Variants in CARD6 observed in about 807,000 individuals in gnomAD.
CARD6 encodes caspase recruitment domain-containing protein 6.
A neutral mutation model predicts 23.6 loss-of-function variants in CARD6; 27 were observed. The observed-to-expected ratio is 1.14, with a 90% CI of 0.84 to 1.58. The LOEUF is 1.58. Among genes scored for constraint, CARD6 ranks in the 40% most tolerant of loss-of-function variants. The pLI, the probability that CARD6 is intolerant of heterozygous loss-of-function variation, is 0.00. For missense variants in CARD6, 1,214 were observed against 1,209.9 expected (o/e 1.00, Z -0.05); for synonymous variants, 397 against 431.8 (o/e 0.92, Z 1.00).
intron 2 of CARD6, among the ~76,000 whole-genome samples, chr5:40,846,448 A>G (rs1745969565): frequency 6.6e-6 from 1 of 152,124 alleles, no homozygotes; most frequent in Admixed American, 6.5e-5. Flanking sequence ...TGCCATCTGT[A>G]TCTGTTTCCT....
At chr5:40,847,376 G>A (rs1745983324) in intron 2 of CARD6, among the ~76,000 whole-genome samples, 1 of 152,108 alleles carries the variant, frequency 6.6e-6, no homozygotes. Context: ...TCCCCCTCCA[G>A]CTTGTTGTTG....
At position 40,852,841 on chromosome 5, in the gene CARD6, C is replaced by A. The variant is rs1746097937; in HGVS notation, c.1509C>A (p.Gly503=). The A allele has an allele frequency of 6.2e-7, 1 of 1,614,020 alleles. No homozygotes were observed. Among genetic ancestry groups the A allele is most frequent in the Admixed American group, 1.7e-5 (1 of 59,982 alleles). ...LLVLPRQISD[G]LVEITWCFPD... is the part of the protein sequence containing the mutation. ...TGCTTCCCCGGCAAATCTCTGATGG[C>A]CTGGTTGAGATAACATGGTGTTTTC... Residue 503 remains glycine (G), a synonymous_variant, in exon 3 of 3, where the codon GGC becomes GGA. Transcript: ENST00000254691.
At chr5:40,850,413 C>CCAAAAAAAAAAAAAAAAAAAA (rs1561215132) in intron 2 of CARD6, among the ~76,000 whole-genome samples, 1 of 36,604 alleles carries the variant, frequency 2.7e-5, no homozygotes, top group African/African-American at 1.4e-4. Flanking sequence ...CACTCCATCT[C>CCAAAAAAAAAAAAAAAAAAAA]AAAAAAAAAA....
At chr5:40,851,547 T>C (rs777401543) in intron 2 of CARD6, among the ~76,000 whole-genome samples, 1 of 151,462 alleles carries the variant, frequency 6.6e-6, no homozygotes, top group Non-Finnish European at 1.5e-5. Context: ...TTAGACCGGG[T>C]GTAGGGGCTT....
Position 40,843,479 on chromosome 5 carries a change from A to G in CARD6, c.611A>G (p.Asp204Gly), listed in dbSNP as rs780936613. The change falls in exon 2 of 3, where the codon GAT (aspartate) becomes GGT (glycine). Residue 204 changes from aspartate to glycine, a missense_variant. Physicochemically the swap from Asp to Gly is moderately conservative, Grantham distance 94 (BLOSUM62 -1). Coordinates refer to ENST00000254691, the MANE Select transcript of CARD6 (RefSeq NM_032587.4). ...IKDGQRYEEL[D>G]DSLYLGKEEY... ...GATGGACAGAGATATGAGGAGCTAG[A>G]TGATTCTTTATACTTAGGAAAAGAG... 2.5e-6 allele frequency: 4 copies of G among 1,611,628 alleles called. No homozygotes were observed. Among genetic ancestry groups the G allele is most frequent in the Non-Finnish European group, 3.4e-6 (4 of 1,179,334 alleles).
Position 40,854,045 on chromosome 5 carries a change from A to C in CARD6, c.2713A>C (p.Thr905Pro). ...TCAGTCCTTTCAACCAGCAGCAGCC[A>C]CACAAAAACTAAGACCTGCTTCTCA... ...HPQSFQPAAA[T>P]QKLRPASQQG... Residue 905 changes from threonine to proline, a missense_variant, in exon 3 of 3, where the codon ACA becomes CCA. Thr to Pro is a conservative substitution (Grantham distance 38). Coordinates refer to ENST00000254691, the MANE Select transcript of CARD6 (RefSeq NM_032587.4). The C allele has an allele frequency of 6.2e-7, 1 of 1,614,200 alleles. No individual in the cohort carries two copies. The highest frequency in any genetic ancestry group is 2.2e-5 in the East Asian group (1 of 44,882).
rs2112177082 is a variant in CARD6, at chr5:40,852,353, A to G, written c.1021A>G (p.Arg341Gly). Residue 341 changes from arginine (R) to glycine (G), a missense_variant, in exon 3 of 3, where the codon AGG (arginine) becomes GGG (glycine). Physicochemically the swap from Arg to Gly is moderately radical, Grantham distance 125 (BLOSUM62 -2). Transcript: ENST00000254691. ...MKVQARDVTA[R>G]DSILSHKVLD... The stretch of plus-strand genomic sequence containing the variant: ...AGTTCAAGCACGAGATGTGACGGCT[A>G]GGGATTCAATCCTCAGTCACAAGGT... The G allele has an allele frequency of 1.2e-6, 2 of 1,614,128 alleles. No homozygotes were observed. Among genetic ancestry groups the G allele is most frequent in the Non-Finnish European group, 1.7e-6 (2 of 1,180,012 alleles).
chr5:40,853,531 C>G lies in CARD6; in HGVS notation c.2199C>G (p.Leu733=), dbSNP rs1329945003. The change falls in exon 3 of 3, where the codon CTC becomes CTG. Residue 733 remains leucine (L), a synonymous_variant. Coordinates refer to ENST00000254691, the MANE Select transcript of CARD6 (RefSeq NM_032587.4). ...VFRPVLENSW[L]FPTRIGGNFN... ...GGCCTGTTCTAGAGAACTCCTGGCT[C>G]TTTCCAACCAGAATTGGAGGTAACT... 2 of 1,614,196 alleles carry G rather than the reference C, an allele frequency of 1.2e-6. No individual in the cohort carries two copies. The highest frequency in any genetic ancestry group is 1.7e-6 in the Non-Finnish European group (2 of 1,180,014).
rs1431766455 is a variant in CARD6 at position 40,854,438 on chromosome 5, A to ATT, written c.3106_3107insTT (p.Lys1036IlefsTer49). ...AAAAGCAGGGCAGAAGAGGGGAGGG[A>ATT]AGCATTAAAGAGCTAACTCCAGAGA... On this transcript the variant is annotated frameshift_variant, in exon 3 of 3. Coordinates refer to ENST00000254691, the MANE Select transcript of CARD6 (RefSeq NM_032587.4). LOFTEE classifies it high-confidence loss of function. 6.2e-7 allele frequency: 1 copy of ATT among 1,611,656 alleles called. No individual in the cohort carries two copies. Among genetic ancestry groups the ATT allele is most frequent in the East Asian group, 2.2e-5 (1 of 44,870 alleles).
intron 2 of CARD6, among the ~76,000 whole-genome samples, chr5:40,844,960 C>T (rs1017970078): frequency 2.0e-5 from 3 of 151,516 alleles, no homozygotes; most frequent in Admixed American, 6.6e-5. Context: ...CTCCGCCTCC[C>T]GGGTTCAAGC....
chr5:40,853,145 G>T lies in CARD6; in HGVS notation c.1813G>T (p.Ala605Ser), dbSNP rs1746106596. 6.2e-7 allele frequency: 1 copy of T among 1,614,106 alleles called. No individual in the cohort carries two copies. Among genetic ancestry groups the T allele is most frequent in the African/African-American group, 1.3e-5 (1 of 74,940 alleles). ...TCAGAGGATACTGAACTTGAAGCCA[G>T]CACAGCTACTGTTTTGGGAGAGGGG... ...IFQRILNLKPAQLLFWERGDA... is the reference protein window; with the variant it reads ...IFQRILNLKPSQLLFWERGDA... The change falls in exon 3 of 3, where the codon GCA becomes TCA. Residue 605 changes from alanine (A) to serine (S), a missense_variant. Physicochemically the swap from Ala to Ser is moderately conservative, Grantham distance 99 (BLOSUM62 1). Coordinates refer to ENST00000254691, the MANE Select transcript of CARD6 (RefSeq NM_032587.4).
At position 40,854,004 on chromosome 5, in the gene CARD6, T is replaced by C; in HGVS notation, c.2672T>C (p.Ile891Thr). The part of the protein sequence containing the change: ...ATGKLIRTSH[I>T]GKPHPQSFQP... ...GGAAAACTGATAAGAACATCCCATA[T>C]TGGAAAGCCTCACCCTCAGTCCTTT... Residue 891 changes from isoleucine to threonine, a missense_variant, in exon 3 of 3, where the codon ATT becomes ACT. Coordinates refer to ENST00000254691, the MANE Select transcript of CARD6 (RefSeq NM_032587.4). 1 of 1,614,152 alleles carries C rather than the reference T, an allele frequency of 6.2e-7. No individual in the cohort carries two copies. Among genetic ancestry groups the C allele is most frequent in the South Asian group, 1.1e-5 (1 of 91,078 alleles).
chr5:40,850,413 CAAAAA>C (rs70988813), intron 2 of CARD6, among the ~76,000 whole-genome samples: 2 of 36,594 alleles, frequency 5.5e-5, no homozygotes, highest in African/African-American at 2.7e-4. Context: ...CACTCCATCT[CAAAAA>C]AAAAAAAAAA....
chr5:40,848,765 G>A (rs112730215), intron 2 of CARD6, among the ~76,000 whole-genome samples: 3,765 of 152,094 alleles, frequency 0.025, 173 homozygotes, highest in African/African-American at 0.084. Context: ...CCTTTTCCAT[G>A]GGTGGCAGCT....
chr5:40,841,700 G>C, intron 1 of CARD6, 35 bp downstream of exon 1: 1 of 1,509,062 alleles, frequency 6.6e-7, no homozygotes, highest in South Asian at 1.3e-5. Context: ...GGGGTGAGAG[G>C]AAGGGGGCAG....
In CARD6 at chr5:40,843,338, A is replaced by T; in HGVS notation, c.470A>T (p.Glu157Val). 1 of 1,614,088 alleles carries T rather than the reference A, an allele frequency of 6.2e-7. No homozygotes were observed. The highest frequency in any genetic ancestry group is 8.5e-7 in the Non-Finnish European group (1 of 1,179,956). Reference sequence around the variant, plus strand: ...AGGGACAAGAAAACTAGTTATAGGGAAACAGCTTTGTCTGCCAGGAAGAAT... The same window carrying T: ...AGGGACAAGAAAACTAGTTATAGGGTAACAGCTTTGTCTGCCAGGAAGAAT... ...FFRDKKTSYR[E>V]TALSARKNEK... Residue 157 changes from glutamate to valine, a missense_variant, in exon 2 of 3, where the codon GAA becomes GTA. By Grantham distance (121) the Glu-to-Val change is moderately radical. Transcript: ENST00000254691.
Position 40,852,616 on chromosome 5 carries a change from G to T in CARD6, c.1284G>T (p.Val428=), listed in dbSNP as rs1746088876. Residue 428 remains valine (V), a synonymous_variant, in exon 3 of 3, where the codon GTG becomes GTT. Coordinates refer to ENST00000254691, the MANE Select transcript of CARD6 (RefSeq NM_032587.4). ...ILMLGAMKDI[V]KKQSTQFSGG... is the part of the protein sequence containing the mutation. ...TGCTGGGGGCCATGAAAGACATTGT[G>T]AAGAAGCAGTCAACACAGTTTTCAG... 1.9e-6 allele frequency: 3 copies of T among 1,614,194 alleles called. No individual in the cohort carries two copies. Among genetic ancestry groups the T allele is most frequent in the Non-Finnish European group, 2.5e-6 (3 of 1,180,034 alleles).
rs374736711 is a variant in CARD6, at chr5:40,852,419, G to A, written c.1087G>A (p.Glu363Lys). The change falls in exon 3 of 3, where the codon GAG becomes AAG. Residue 363 changes from glutamate (E) to lysine (K), a missense_variant. Glu to Lys is a moderately conservative substitution (Grantham distance 56, BLOSUM62 1). Transcript: ENST00000254691. The stretch of plus-strand genomic sequence containing the variant: ...CAAGGAGGATTTGCTGGCTGGAGTG[G>A]AGAATTTGGAAATTCGAGACATACA... ...DSKEDLLAGV[E>K]NLEIRDIQTI... 51 of 1,614,024 alleles carry A rather than the reference G, an allele frequency of 3.2e-5. No homozygotes were observed. Among genetic ancestry groups the A allele is most frequent in the Non-Finnish European group, 4.1e-5 (48 of 1,180,030 alleles).
rs760375788 is a variant in CARD6 at position 40,852,264 on chromosome 5, T to C, written c.932T>C (p.Leu311Ser). 3 of 1,614,120 alleles carry C rather than the reference T, an allele frequency of 1.9e-6. No homozygotes were observed. In the South Asian group the frequency reaches 3.3e-5, roughly 18 times the overall value. Residue 311 changes from leucine to serine, a missense_variant, in exon 3 of 3, where the codon TTA becomes TCA. Transcript: ENST00000254691. Reference protein sequence around the residue: ...VLPDFVKQFSLDRGCKWTPES... With the variant: ...VLPDFVKQFSSDRGCKWTPES... ...CCAGATTTTGTTAAACAATTCTCCT[T>C]AGATCGAGGATGTAAGTGGACCCCT... is the stretch of plus-strand genomic sequence containing the variant.
Sources: gnomAD v4.1 joint callset for allele counts (sites outside exome capture counted in the v4.1 genomes callset) on GRCh38, gnomAD v4.1.1 for gene constraint, MANE v1.5 for transcripts, NCBI Gene and HGNC (gene_info 2026-07-23, HGNC 2026-07-21) for gene names.